Variants in MACF1 observed in about 807,000 individuals in gnomAD.
MACF1 encodes microtubule actin crosslinking factor 1, also known as microtubule-actin cross-linking factor 1.
A neutral mutation model predicts 854.8 loss-of-function variants in MACF1; 193 were observed. The observed-to-expected ratio is 0.23, with a 90% confidence interval of 0.20 to 0.25. The LOEUF is 0.25. Among genes scored for constraint, MACF1 ranks in the 10% least tolerant of loss-of-function variants. The pLI, the probability that MACF1 is intolerant of heterozygous loss-of-function variation, is 1.00. For synonymous variants in MACF1, 3,185 were observed against 3,226.7 expected, an observed-to-expected ratio of 0.99 and a Z score of 0.44; for missense variants, 7,722 against 8,929.1, an observed-to-expected ratio of 0.86 and a Z score of 5.45.
In MACF1 at chr1:39,335,253, G is replaced by C. The variant is rs1646791211; in HGVS notation, c.8665G>C (p.Glu2889Gln). 4 of 1,613,864 alleles carry C rather than the reference G, an allele frequency of 2.5e-6. No homozygotes were observed. The Admixed American group carries it at 6.7e-5, about 27-fold the overall frequency. ...GQVSLTHPYS[E>Q]CDFKLKEVAR... ...AGTGTCATTGACACACCCTTACTCT[G>C]AATGTGATTTTAAACTTAAAGAAGT... Residue 2889 changes from glutamate to glutamine, a missense_variant, in exon 37 of 101, where the codon GAA becomes CAA. Around this residue, in one of 15 missense-constraint regions of MACF1, gnomAD observed 854 missense variants for 852.6 expected, o/e 1.00. Transcript: ENST00000564288.
intron 49 of MACF1, among the ~76,000 whole-genome samples, chr1:39,364,744 A>G (rs945197278): frequency 6.6e-6 from 1 of 151,980 alleles, no homozygotes; most frequent in Non-Finnish European, 1.5e-5. Flanking sequence ...CGCCCGCCTC[A>G]GCCTCCCAAA....
In MACF1 at chr1:39,331,956, G is replaced by A. The variant is rs773228388; in HGVS notation, c.5368G>A (p.Val1790Ile). The A allele has an allele frequency of 1.2e-6, 2 of 1,614,152 alleles. No individual in the cohort carries two copies. Among genetic ancestry groups the A allele is most frequent in the East Asian group, 2.2e-5 (1 of 44,876 alleles). The stretch of plus-strand genomic sequence containing the variant: ...ACACAGACTTACAGTGGAAGAGGCT[G>A]TAAGACATAATCTGATTGACCAAGA... Reference protein sequence around the residue: ...TGHRLTVEEAVRHNLIDQDMA... With the variant: ...TGHRLTVEEAIRHNLIDQDMA... Residue 1790 changes from valine to isoleucine, a missense_variant, in exon 37 of 101, where the codon GTA becomes ATA. This residue lies in a region of MACF1 where 1,531 missense variants were observed against 1,601.6 expected (regional missense o/e 0.96). Coordinates refer to ENST00000564288, the MANE Select transcript of MACF1 (RefSeq NM_001394062.1).
At chr1:39,346,469 G>A (rs1251484307) in intron 40 of MACF1, among the ~76,000 whole-genome samples, 1 of 152,030 alleles carries the variant, frequency 6.6e-6, no homozygotes, top group East Asian at 1.9e-4. Flanking sequence ...TCCAGTAAAG[G>A]GAACTTAATT....
chr1:39,273,240 T>A (rs936319162), intron 6 of MACF1, among the ~76,000 whole-genome samples: 1 of 148,536 alleles, frequency 6.7e-6, no homozygotes, highest in Non-Finnish European at 1.5e-5. Flanking sequence ...GGGTTCCAGC[T>A]ATTCGCCTGC....
intron 2 of MACF1, among the ~76,000 whole-genome samples, chr1:39,146,957 A>G (rs1434376756): frequency 6.6e-6 from 1 of 152,134 alleles, no homozygotes; most frequent in Non-Finnish European, 1.5e-5. Context: ...TGTAACCCAT[A>G]AATATATACA....
chr1:39,459,021 C>T, intron 90 of MACF1, 65 bp from the exon 91 acceptor site: 1 of 1,338,946 alleles, frequency 7.5e-7, no homozygotes, highest in East Asian at 2.3e-5. Context: ...TAGGTTTATA[C>T]ATACAGCTAT....
At chr1:39,314,894 A>T (rs1224120838) in intron 26 of MACF1, among the ~76,000 whole-genome samples, 1 of 152,170 alleles carries the variant, frequency 6.6e-6, no homozygotes, top group East Asian at 1.9e-4. Flanking sequence ...CTGAGTTCAG[A>T]AATTGCTTGT....
intron 2 of MACF1, among the ~76,000 whole-genome samples, chr1:39,162,747 G>A (rs1476408621): frequency 6.6e-6 from 1 of 152,144 alleles, no homozygotes; most frequent in Non-Finnish European, 1.5e-5. Flanking sequence ...GGGATTAAAT[G>A]AGATAGTGAA....
chr1:39,359,343 T>TG (rs1647861848), intron 47 of MACF1, 79 bp downstream of exon 47: 7 of 1,501,324 alleles, frequency 4.7e-6, no homozygotes, highest in Non-Finnish European at 6.4e-6. Flanking sequence ...CACATTGTGT[T>TG]GTGCAAATAT....
intron 2 of MACF1, among the ~76,000 whole-genome samples, chr1:39,133,783 A>T (rs1643081391): frequency 6.6e-6 from 1 of 152,210 alleles, no homozygotes; most frequent in African/African-American, 2.4e-5. Context: ...GCTGTACAAT[A>T]CATCTCCAGA....
At chr1:39,246,633 T>A (rs994846630) in intron 2 of MACF1, among the ~76,000 whole-genome samples, 5 of 150,974 alleles carry the variant, frequency 3.3e-5, no homozygotes, top group Non-Finnish European at 5.9e-5. Context: ...CTCAGCCTTC[T>A]GAGTAGCTGG....
intron 98 of MACF1, among the ~76,000 whole-genome samples, 199 bp from the exon 99 acceptor site, chr1:39,480,721 T>A (rs959471725): frequency 2.0e-5 from 3 of 152,106 alleles, no homozygotes; most frequent in Non-Finnish European, 4.4e-5. Flanking sequence ...CTAAGTTTGA[T>A]GTTATGATGG....
intron 1 of MACF1, among the ~76,000 whole-genome samples, chr1:39,211,605 G>A (rs868330734): frequency 6.6e-6 from 1 of 151,966 alleles, no homozygotes; most frequent in Non-Finnish European, 1.5e-5. Flanking sequence ...GTGACATGCC[G>A]GGCATGGTGG....
Position 39,334,759 on chromosome 1 carries a change from A to G in MACF1, c.8171A>G (p.His2724Arg), listed in dbSNP as rs766896369. 1 of 1,610,396 alleles carries G rather than the reference A, an allele frequency of 6.2e-7. No individual in the cohort carries two copies. The highest frequency in any genetic ancestry group is 8.5e-7 in the Non-Finnish European group (1 of 1,176,612). Reference protein sequence around the residue: ...DENMVRIIASHQVLNGGIVDI... With the variant: ...DENMVRIIASRQVLNGGIVDI... Reference sequence around the variant, plus strand: ...AACATGGTCAGAATTATTGCATCTCATCAGGTGTTAAATGGAGGAATTGTT... The same window carrying G: ...AACATGGTCAGAATTATTGCATCTCGTCAGGTGTTAAATGGAGGAATTGTT... The change falls in exon 37 of 101, where the codon CAT becomes CGT. Residue 2724 changes from histidine (H) to arginine (R), a missense_variant. Physicochemically the swap from His to Arg is conservative, Grantham distance 29. Transcript: ENST00000564288.
intron 84 of MACF1, among the ~76,000 whole-genome samples, 165 bp from the exon 85 acceptor site, chr1:39,450,887 A>G (rs1428042168): frequency 6.6e-6 from 1 of 152,156 alleles, no homozygotes; most frequent in African/African-American, 2.4e-5. Context: ...CTGGGATTAC[A>G]GGTGTGAGCC....
Position 39,340,827 on chromosome 1 carries a change from A to C in MACF1, c.10455A>C (p.Thr3485=). 2 of 1,613,376 alleles carry C rather than the reference A, an allele frequency of 1.2e-6. No individual in the cohort carries two copies. ...AGACTAAAGTGTTAAATCAGCACAC[A>C]CAGCTAGAAGGCCGACTTCAAGATC... ...IEKTKVLNQH[T]QLEGRLQDLR... Residue 3485 remains threonine (T), a synonymous_variant, in exon 40 of 101, where the codon ACA becomes ACC. Transcript: ENST00000564288.
At chr1:39,187,895 T>TCTCTCTCTCTC (rs1553160213) in intron 2 of MACF1, among the ~76,000 whole-genome samples, 1 of 68,398 alleles carries the variant, frequency 1.5e-5, no homozygotes, top group South Asian at 8.8e-4. Context: ...TCTCTCTCTC[T>TCTCTCTCTCTC]CTCTCTCCTC....
intron 14 of MACF1, among the ~76,000 whole-genome samples, chr1:39,286,474 C>CT (rs796131309): frequency 6.8e-6 from 1 of 146,554 alleles, no homozygotes; most frequent in African/African-American, 2.5e-5. Context: ...TTTTTTTCCC[C>CT]TTTTTTTTTT....
chr1:39,345,298 C>T (rs890542199), intron 40 of MACF1, among the ~76,000 whole-genome samples: 1 of 152,156 alleles, frequency 6.6e-6, no homozygotes, highest in African/African-American at 2.4e-5. Context: ...ATAGTATAAA[C>T]AGCATCATTT....
Sources: gnomAD v4.1 joint callset for allele counts (sites outside exome capture counted in the v4.1 genomes callset) on GRCh38, gnomAD v4.1.1 for gene constraint, gnomAD v4.1.1 regional missense constraint, MANE v1.5 for transcripts, NCBI Gene and HGNC (gene_info 2026-07-23, HGNC 2026-07-21) for gene names.